The following BRDT variants were observed in gnomAD, a reference collection of about 807,000 sequenced individuals.
BRDT encodes bromodomain testis-specific protein.
BRDT carries 77 observed loss-of-function variants against 113.9 expected under a neutral mutation model. That is an observed-to-expected ratio of 0.68 (90% CI 0.56 to 0.82). The LOEUF is 0.82. BRDT is among the 40% of genes least tolerant of loss of function. The pLI is 0.00. For missense variants in BRDT, 1,027 were observed against 1,105.4 expected (o/e 0.93, Z 1.01); for synonymous variants, 358 against 366.5 (o/e 0.98, Z 0.26).
intron 1 of BRDT, among the ~76,000 whole-genome samples, chr1:91,959,167 A>G (rs1471794779): frequency 1.3e-5 from 2 of 152,212 alleles, no homozygotes; most frequent in Non-Finnish European, 2.9e-5. Context: ...ATGGAGTGAG[A>G]TGCCATCTCA....
intron 12 of BRDT, among the ~76,000 whole-genome samples, chr1:91,984,624 A>T (rs1685031637): frequency 6.6e-6 from 1 of 152,166 alleles, no homozygotes; most frequent in Non-Finnish European, 1.5e-5. Flanking sequence ...AAATATAAAT[A>T]TGAAAAAATA....
chr1:91,959,961 A>G lies in BRDT; in HGVS notation c.-37-2757A>G, dbSNP rs1682253319. On this transcript the variant is annotated intron_variant, in intron 1 of 18. Coordinates refer to ENST00000399546, the MANE Select transcript of BRDT (RefSeq NM_207189.4). ...AAACTGATTCCCAGGCGCTCTCTCC[A>G]GAGATTGGGACCTGAGCATTGGTAT... is the stretch of plus-strand genomic sequence containing the variant. 2.0e-5 allele frequency among the ~76,000 whole-genome samples: 3 copies of G among 152,226 alleles called. No homozygotes were observed. In the South Asian group the frequency reaches 6.2e-4, roughly 31 times the overall value.
chr1:91,978,128 T>C, intron 6 of BRDT, 40 bp from the exon 7 acceptor site: 1 of 1,546,174 alleles, frequency 6.5e-7, no homozygotes, highest in African/African-American at 1.4e-5. Flanking sequence ...AATTATTGAA[T>C]TGAACTATTT....
intron 1 of BRDT, among the ~76,000 whole-genome samples, chr1:91,957,273 C>A (rs1436401952): frequency 4.6e-5 from 7 of 152,150 alleles, no homozygotes; most frequent in Non-Finnish European, 1.0e-4. Flanking sequence ...GCAGGCGGAT[C>A]ACGAGGTCAG....
At chr1:91,993,983 G>C (rs1040201580) in intron 14 of BRDT, 100 bp from the exon 15 acceptor site, 2 of 949,466 alleles carry the variant, frequency 2.1e-6, no homozygotes, top group African/African-American at 1.7e-5. Context: ...TTTTAAAAAG[G>C]TAGCATTAAA....
intron 3 of BRDT, among the ~76,000 whole-genome samples, chr1:91,966,156 G>T (rs1448453711): frequency 1.3e-5 from 2 of 151,892 alleles, no homozygotes; most frequent in East Asian, 3.9e-4. Context: ...TGTGTATTTG[G>T]TTTTCTTCCA....
At chr1:91,975,232 TAACA>T (rs750298702) in intron 4 of BRDT, among the ~76,000 whole-genome samples, 14 of 151,924 alleles carry the variant, frequency 9.2e-5, no homozygotes, top group Non-Finnish European at 1.9e-4. Context: ...TATACATATG[TAACA>T]AACCTGCACT....
chr1:92,012,379 C>T (rs1328238256), intron 18 of BRDT, among the ~76,000 whole-genome samples: 1 of 151,790 alleles, frequency 6.6e-6, no homozygotes, highest in Non-Finnish European at 1.5e-5. Context: ...GTTCCACATG[C>T]ACAGATTTTA....
intron 2 of BRDT, among the ~76,000 whole-genome samples, chr1:91,963,312 C>CT (rs920625747): frequency 1.3e-5 from 2 of 152,034 alleles, no homozygotes; most frequent in Admixed American, 6.6e-5. Context: ...AAAACTCCAT[C>CT]TCCAAAAATA....
rs200898420 is a variant in BRDT, at chr1:91,980,682, G to A, written c.1327G>A (p.Val443Ile). 11 of 1,599,490 alleles carry A rather than the reference G, an allele frequency of 6.9e-6. No individual in the cohort carries two copies. The highest frequency in any genetic ancestry group is 8.5e-6 in the Non-Finnish European group (10 of 1,176,930). ...VHQQLQVLSQ[V>I]PFRKLNKKKE... is the part of the protein sequence containing the mutation. ...TCAACAGCTCCAGGTTTTGTCCCAA[G>A]TACCTTTCCGTAAGCTAAATAAAAA... is the stretch of plus-strand genomic sequence containing the variant. The change falls in exon 9 of 19, where the codon GTA becomes ATA. Residue 443 changes from valine to isoleucine, a missense_variant. Coordinates refer to ENST00000399546, the MANE Select transcript of BRDT (RefSeq NM_207189.4).
intron 1 of BRDT, among the ~76,000 whole-genome samples, chr1:91,961,747 T>C (rs1217119136): frequency 6.6e-6 from 1 of 152,208 alleles, no homozygotes; most frequent in East Asian, 1.9e-4. Context: ...ACACTGATCA[T>C]ATCTTTAACA....
intron 18 of BRDT, among the ~76,000 whole-genome samples, chr1:92,007,198 C>T (rs1687389747): frequency 6.6e-6 from 1 of 151,534 alleles, no homozygotes. Flanking sequence ...TTCTCTCTCT[C>T]TTTTTTTTTC....
Position 91,971,719 on chromosome 1 carries a change from G to T in BRDT, c.445+3459G>T, listed in dbSNP as rs78736522. On this transcript the variant is annotated intron_variant, in intron 4 of 18. Transcript: ENST00000399546. ...GAGAGACAAACATGACAGATTCAGT[G>T]GAGGCCTCATTGAGAAGTGAAGATT... Among the ~76,000 whole-genome samples the T allele has an allele frequency of 4.1e-3, 625 of 152,262 alleles. 8 individuals are homozygous for T. Among genetic ancestry groups the T allele is most frequent in the African/African-American group, 0.014 (589 of 41,550 alleles).
intron 1 of BRDT, among the ~76,000 whole-genome samples, chr1:91,959,110 T>A (rs1277243807): frequency 1.3e-5 from 2 of 152,088 alleles, no homozygotes; most frequent in Non-Finnish European, 2.9e-5. Context: ...AATACACATA[T>A]ATATATTTTT....
chr1:91,957,063 G>T (rs1326048165), intron 1 of BRDT, among the ~76,000 whole-genome samples: 3 of 152,168 alleles, frequency 2.0e-5, no homozygotes, highest in Admixed American at 6.5e-5. Flanking sequence ...CTACAGAGAA[G>T]TCTAGGAAGG....
In BRDT at chr1:91,960,542, A is replaced by G. The variant is rs543085241; in HGVS notation, c.-37-2176A>G. Among the ~76,000 whole-genome samples the G allele has an allele frequency of 2.0e-5, 3 of 152,344 alleles. No homozygotes were observed. In the East Asian group the frequency reaches 5.8e-4, roughly 29 times the overall value. ...GGTGGTTGCCAGGTACAGCAGGGACAGAAGAATGAGGATTTGTTGGTTAAT... is the reference window on the plus strand; with the variant it reads ...GGTGGTTGCCAGGTACAGCAGGGACGGAAGAATGAGGATTTGTTGGTTAAT... On this transcript the variant is annotated intron_variant, in intron 1 of 18. Coordinates refer to ENST00000399546, the MANE Select transcript of BRDT (RefSeq NM_207189.4).
At chr1:91,990,999 G>A (rs1017255666) in intron 12 of BRDT, among the ~76,000 whole-genome samples, 185 bp from the exon 13 acceptor site, 3 of 152,002 alleles carry the variant, frequency 2.0e-5, no homozygotes, top group Non-Finnish European at 4.4e-5. Flanking sequence ...GGGTTTCACC[G>A]TGTTAGCCAG....
At chr1:91,951,298 A>G (rs974864751) in intron 1 of BRDT, among the ~76,000 whole-genome samples, 1 of 152,212 alleles carries the variant, frequency 6.6e-6, no homozygotes, top group South Asian at 2.1e-4. Context: ...AAGCAACACC[A>G]TTGCATAATT....
chr1:91,980,660 A>G lies in BRDT; in HGVS notation c.1305A>G (p.Gln435=), dbSNP rs56173111. Residue 435 remains glutamine, a synonymous_variant, in exon 9 of 19, where the codon CAA becomes CAG. Coordinates refer to ENST00000399546, the MANE Select transcript of BRDT (RefSeq NM_207189.4). ...KLQEQLKAVH[Q]QLQVLSQVPF... ...TTTATCAGCTTAAAGCTGTACATCA[A>G]CAGCTCCAGGTTTTGTCCCAAGTAC... 15 of 1,579,214 alleles carry G rather than the reference A, an allele frequency of 9.5e-6. No individual in the cohort carries two copies. The East Asian group carries it at 1.1e-4, about 12-fold the overall frequency.
Sources: allele counts gnomAD v4.1 joint callset (sites outside exome capture counted in the v4.1 genomes callset), GRCh38; gene constraint gnomAD v4.1.1; transcripts MANE v1.5; gene names NCBI Gene and HGNC (gene_info 2026-07-23, HGNC 2026-07-21).